The following ATP8A2 variants were observed in gnomAD, a reference collection of about 807,000 sequenced individuals.
ATP8A2 encodes phospholipid-transporting ATPase IB.
Under a neutral mutation model 165.6 loss-of-function variants are expected in ATP8A2, and 100 were observed. The observed-to-expected ratio is 0.60, with a 90% CI of 0.51 to 0.71. ATP8A2 has a LOEUF of 0.71. Ranked by LOEUF, ATP8A2 falls within the 30% of genes least tolerant of loss-of-function variation. ATP8A2 has a pLI of 0.00. For synonymous variants in ATP8A2, 543 were observed against 548.8 expected, an observed-to-expected ratio of 0.99 and a Z score of 0.15; for missense variants, 1,227 against 1,479.5, an observed-to-expected ratio of 0.83 and a Z score of 2.80.
chr13:25,480,392 T>G (rs887451824), intron 2 of ATP8A2, among the ~76,000 whole-genome samples: 2 of 150,104 alleles, frequency 1.3e-5, no homozygotes, highest in African/African-American at 2.5e-5. Flanking sequence ...GCTCCTCACT[T>G]CTCAGACGGG....
At chr13:25,428,596 G>A (rs1460444212) in intron 1 of ATP8A2, among the ~76,000 whole-genome samples, 2 of 152,220 alleles carry the variant, frequency 1.3e-5, no homozygotes, top group Non-Finnish European at 2.9e-5. Flanking sequence ...GAGCCTCTGA[G>A]AGAAGGGCAT....
At chr13:25,880,800 C>T in intron 33 of ATP8A2, 1 of 411,440 alleles carries the variant, frequency 2.4e-6, no homozygotes. Context: ...AAGCAGCCAA[C>T]TTTTCTAGCA....
intron 24 of ATP8A2, among the ~76,000 whole-genome samples, chr13:25,626,371 C>T (rs2041099859): frequency 6.6e-6 from 1 of 152,176 alleles, no homozygotes. Flanking sequence ...TGCAAGAGCA[C>T]AAGAGCATGT....
At chr13:25,489,461 T>A (rs1390118318) in intron 2 of ATP8A2, among the ~76,000 whole-genome samples, 2 of 152,168 alleles carry the variant, frequency 1.3e-5, no homozygotes, top group Non-Finnish European at 2.9e-5. Flanking sequence ...GCCGCAGCGT[T>A]TCTCAGACTC....
chr13:25,393,132 A>G (rs561533674), intron 1 of ATP8A2, among the ~76,000 whole-genome samples: 1 of 111,490 alleles, frequency 9.0e-6, no homozygotes, highest in Admixed American at 9.3e-5. Context: ...TTATTTACAT[A>G]CTTTTTTTTT....
intron 13 of ATP8A2, among the ~76,000 whole-genome samples, chr13:25,557,605 C>T (rs1482127424): frequency 6.6e-6 from 1 of 152,154 alleles, no homozygotes; most frequent in African/African-American, 2.4e-5. Flanking sequence ...CCATTTCTCT[C>T]TGGAGACTTT....
chr13:25,945,864 C>T (rs1955196660), intron 33 of ATP8A2, among the ~76,000 whole-genome samples: 1 of 152,170 alleles, frequency 6.6e-6, no homozygotes, highest in South Asian at 2.1e-4. Context: ...AGTCATTTTA[C>T]AGTCAGAGCT....
intron 2 of ATP8A2, among the ~76,000 whole-genome samples, chr13:25,491,101 A>G (rs560062452): frequency 1.9e-4 from 29 of 152,290 alleles, no homozygotes; most frequent in African/African-American, 5.1e-4. Flanking sequence ...ATATACACAC[A>G]TATATTCTTC....
At chr13:25,618,771 T>C (rs2040892238) in intron 24 of ATP8A2, among the ~76,000 whole-genome samples, 1 of 151,746 alleles carries the variant, frequency 6.6e-6, no homozygotes, top group Non-Finnish European at 1.5e-5. Context: ...TAGTAGTAGT[T>C]GATGCCTTAA....
In ATP8A2 at chr13:25,806,520, C is replaced by T. The variant is rs75384668; in HGVS notation, c.2680-21598C>T. On this transcript the variant is annotated intron_variant, in intron 27 of 36. Transcript: ENST00000381655. ...CCAGTAATGGTTAAGTTTCAGTGTTCTGTGGCACGGCCTTCAACTTCATGG... is the reference window on the plus strand; with the variant it reads ...CCAGTAATGGTTAAGTTTCAGTGTTTTGTGGCACGGCCTTCAACTTCATGG... 9.1e-3 allele frequency among the ~76,000 whole-genome samples: 1,385 copies of T among 152,084 alleles called. 19 individuals are homozygous for T. The highest frequency in any genetic ancestry group is 0.032 in the African/African-American group (1,314 of 41,480).
chr13:25,838,304 A>G (rs1284143489), intron 29 of ATP8A2, among the ~76,000 whole-genome samples: 1 of 152,152 alleles, frequency 6.6e-6, no homozygotes, highest in Non-Finnish European at 1.5e-5. Context: ...GGGGAGGCTC[A>G]CTAGTTACAT....
chr13:25,937,478 CT>C (rs2139093347), intron 33 of ATP8A2, among the ~76,000 whole-genome samples: 1 of 150,114 alleles, frequency 6.7e-6, no homozygotes, highest in South Asian at 2.1e-4. Flanking sequence ...AGCTTCCATT[CT>C]CCACAATTAA....
intron 1 of ATP8A2, among the ~76,000 whole-genome samples, chr13:25,454,916 C>T (rs1476973568): frequency 6.6e-6 from 1 of 152,052 alleles, no homozygotes; most frequent in Non-Finnish European, 1.5e-5. Context: ...AGTGAGACTC[C>T]GTCTCAAAAA....
intron 33 of ATP8A2, among the ~76,000 whole-genome samples, chr13:25,877,347 C>T (rs1450661344): frequency 6.6e-6 from 1 of 152,220 alleles, no homozygotes; most frequent in African/African-American, 2.4e-5. Flanking sequence ...GAGCTCACCT[C>T]TTTGTTTTTA....
intron 30 of ATP8A2, among the ~76,000 whole-genome samples, chr13:25,852,598 T>C (rs1303632113): frequency 6.6e-6 from 1 of 152,222 alleles, no homozygotes; most frequent in Non-Finnish European, 1.5e-5. Flanking sequence ...GTCTAATTGT[T>C]TTTTTCTTTG....
rs1382284364 is a variant in ATP8A2 at position 25,801,814 on chromosome 13, G to A, written c.2680-26304G>A. Among the ~76,000 whole-genome samples, 3 of 152,216 alleles carry A rather than the reference G, an allele frequency of 2.0e-5. No homozygotes were observed. The East Asian group carries it at 5.8e-4, about 29-fold the overall frequency. On this transcript the variant is annotated intron_variant, in intron 27 of 36. Transcript: ENST00000381655. ...AATTGACTCATAGTTCTGCATGGCT[G>A]GGGAGGCCTCAGGAAACTTACAGTC...
At chr13:25,549,460 A>C in intron 10 of ATP8A2, among the ~76,000 whole-genome samples, 1 of 127,080 alleles carries the variant, frequency 7.9e-6, no homozygotes, top group South Asian at 2.4e-4. Context: ...ACTCTGTCTC[A>C]AAAAAAAAAA....
chr13:25,790,564 G>C (rs2045142746), intron 27 of ATP8A2, among the ~76,000 whole-genome samples: 1 of 151,562 alleles, frequency 6.6e-6, no homozygotes, highest in Non-Finnish European at 1.5e-5. Flanking sequence ...GCATGGTGGT[G>C]CATGCCCATA....
intron 2 of ATP8A2, among the ~76,000 whole-genome samples, chr13:25,505,600 G>C (rs1177030483): frequency 1.3e-5 from 2 of 152,034 alleles, no homozygotes; most frequent in Non-Finnish European, 2.9e-5. Flanking sequence ...TATCTCTCTA[G>C]AGATATTATA....
Sources: allele counts gnomAD v4.1 joint callset (sites outside exome capture counted in the v4.1 genomes callset), GRCh38; gene constraint gnomAD v4.1.1; transcripts MANE v1.5; gene names NCBI Gene and HGNC (gene_info 2026-07-23, HGNC 2026-07-21).